The following MCM3 variants were observed in gnomAD, a reference collection of about 807,000 sequenced individuals.
MCM3 encodes DNA replication licensing factor MCM3.
A neutral mutation model predicts 91.3 loss-of-function variants in MCM3; 59 were observed. The ratio of observed to expected loss-of-function variants is 0.65; its 90% CI spans 0.52 to 0.80. The LOEUF (loss-of-function observed/expected upper bound fraction) is 0.80, where lower values mean the gene tolerates loss of function less well. Among genes scored for constraint, MCM3 ranks in the 30% least tolerant of loss-of-function variants. The pLI is 0.00. For missense variants in MCM3, 919 were observed against 1,035.4 expected (o/e 0.89, Z 1.54); for synonymous variants, 383 against 379.6 (o/e 1.01, Z -0.10).
Position 52,271,234 on chromosome 6 carries a change from T to A in MCM3, c.1827+1067A>T, listed in dbSNP as rs1765107357. On this transcript the variant is annotated intron_variant, in intron 12 of 16. Coordinates refer to ENST00000596288, the MANE Select transcript of MCM3 (RefSeq NM_002388.6). ...ACAGAGTGGGTGAGGCTTGAGTAGATGATCTGGGATCATGTCTAATCCAAG... is the reference window on the plus strand; with the variant it reads ...ACAGAGTGGGTGAGGCTTGAGTAGAAGATCTGGGATCATGTCTAATCCAAG... 2.0e-5 allele frequency among the ~76,000 whole-genome samples: 3 copies of A among 152,156 alleles called. No homozygotes were observed. The South Asian group carries it at 6.2e-4, about 32-fold the overall frequency.
At chr6:52,282,366 A>C (rs1049269003) in intron 3 of MCM3, among the ~76,000 whole-genome samples, 191 bp from the exon 4 acceptor site, 2 of 152,170 alleles carry the variant, frequency 1.3e-5, no homozygotes, top group African/African-American at 4.8e-5. Context: ...TAAAATTTTA[A>C]GTACCACCAA....
intron 7 of MCM3, 110 bp downstream of exon 7, chr6:52,277,423 CTT>C: frequency 8.1e-7 from 1 of 1,227,528 alleles, no homozygotes; most frequent in Middle Eastern, 2.7e-4. Context: ...GCCTTTTGTC[CTT>C]TGATAGGACT....
chr6:52,277,058 C>T lies in MCM3; in HGVS notation c.1165+9G>A. On this transcript the variant is annotated intron_variant, in intron 8 of 16. Coordinates refer to ENST00000596288, the MANE Select transcript of MCM3 (RefSeq NM_002388.6). ...GCTGGGCCTTTGCCAAGGACCCTTA[C>T]ACCCTTACCTGTTTCCTGGTCTGTG... is the stretch of plus-strand genomic sequence containing the variant. The T allele has an allele frequency of 1.2e-6, 2 of 1,612,838 alleles. No individual in the cohort carries two copies. The highest frequency in any genetic ancestry group is 1.7e-6 in the Non-Finnish European group (2 of 1,179,188).
In MCM3 at chr6:52,280,225, T is replaced by C. The variant is rs539759805; in HGVS notation, c.532-626A>G. Among the ~76,000 whole-genome samples, 3 of 152,370 alleles carry C rather than the reference T, an allele frequency of 2.0e-5. No individual in the cohort carries two copies. In the South Asian group the frequency reaches 6.2e-4, roughly 32 times the overall value. On this transcript the variant is annotated intron_variant, in intron 4 of 16. Coordinates refer to ENST00000596288, the MANE Select transcript of MCM3 (RefSeq NM_002388.6). Reference sequence around the variant, plus strand: ...TGAGCCCTCAAGAGGGACTTCTGTGTGCTAATATTTCCTCATTTGGAGCTG... The same window carrying C: ...TGAGCCCTCAAGAGGGACTTCTGTGCGCTAATATTTCCTCATTTGGAGCTG...
intron 5 of MCM3, 77 bp from the exon 6 acceptor site, chr6:52,278,927 A>ACT: frequency 1.9e-6 from 2 of 1,049,556 alleles, no homozygotes; most frequent in Non-Finnish European, 2.8e-6. Flanking sequence ...TAGCAGGAGT[A>ACT]AGCCTTTTTA....
Position 52,267,508 on chromosome 6 carries a change from A to C in MCM3, c.2072+357T>G, listed in dbSNP as rs1285527038. Reference sequence around the variant, plus strand: ...CCTTCTACCCTCTACTTCTCTCCCCAGTCCCACTGGAACTTACTACTTTTT... The same window carrying C: ...CCTTCTACCCTCTACTTCTCTCCCCCGTCCCACTGGAACTTACTACTTTTT... On this transcript the variant is annotated intron_variant, in intron 14 of 16. Transcript: ENST00000596288. Among the ~76,000 whole-genome samples the C allele has an allele frequency of 7.1e-5, 10 of 140,940 alleles. No homozygotes were observed. In the East Asian group the frequency reaches 2.0e-3, roughly 28 times the overall value. 92.5% of individuals were successfully genotyped at this position (140,940 alleles called of 152,430 possible).
At chr6:52,270,970 T>C (rs1035136111) in intron 12 of MCM3, among the ~76,000 whole-genome samples, 2 of 152,154 alleles carry the variant, frequency 1.3e-5, no homozygotes, top group African/African-American at 2.4e-5. Context: ...CCCAGCACTT[T>C]GGAAGGCCGA....
rs1381168139 is a variant in MCM3, at chr6:52,279,528, G to A, written c.603C>T (p.Ile201=). 2.5e-6 allele frequency: 4 copies of A among 1,614,146 alleles called. No homozygotes were observed. The highest frequency in any genetic ancestry group is 1.1e-5 in the South Asian group (1 of 91,076). Residue 201 remains isoleucine, a synonymous_variant, in exon 5 of 17, where the codon ATC becomes ATT. Coordinates refer to ENST00000596288, the MANE Select transcript of MCM3 (RefSeq NM_002388.6). ...CTGGGGCCTTCTCCGGCATCTCCTG[G>A]ATGGTGATGGTCTGGTGATCCTTGT... is the stretch of plus-strand genomic sequence containing the variant. ...SVYKDHQTIT[I]QEMPEKAPAG...
chr6:52,279,330 C>G (rs757327655), intron 5 of MCM3, 31 bp downstream of exon 5: 2 of 1,536,812 alleles, frequency 1.3e-6, no homozygotes, highest in South Asian at 2.3e-5. Context: ...CTGTCAACAG[C>G]ATTCCATATA....
intron 16 of MCM3, among the ~76,000 whole-genome samples, chr6:52,265,003 T>C (rs1194993634): frequency 6.6e-6 from 1 of 152,180 alleles, no homozygotes; most frequent in African/African-American, 2.4e-5. Context: ...GGCATTCCCA[T>C]TCACTGTAAA....
At chr6:52,282,517 C>T (rs956627032) in intron 3 of MCM3, 136 bp downstream of exon 3, 1 of 708,532 alleles carries the variant, frequency 1.4e-6, no homozygotes, top group East Asian at 2.7e-5. Flanking sequence ...ACACACTGAG[C>T]CCTCCAAGTT....
rs1322260677 is a variant in MCM3 at position 52,266,076 on chromosome 6, TGGATTCACTCAACTCCACTTTCTG to T, written c.2203_2226del (p.Gln735_Ser742del). 1 of 1,613,856 alleles carries T rather than the reference TGGATTCACTCAACTCCACTTTCTG, an allele frequency of 6.2e-7. No homozygotes were observed. On this transcript the variant is annotated inframe_deletion and splice_region_variant, in exon 16 of 17. Transcript: ENST00000596288. Reference sequence around the variant, plus strand: ...GGCAGGAGCAACATCCGTACTCACCTGGATTCACTCAACTCCACTTTCTGGGATTCCTTGGTCTCCTGTGAGTCT... The same window carrying T: ...GGCAGGAGCAACATCCGTACTCACCTGGATTCCTTGGTCTCCTGTGAGTCT...
rs756471448 is a variant in MCM3 at position 52,276,435 on chromosome 6, G to C, written c.1207C>G (p.Arg403Gly). The C allele has an allele frequency of 7.4e-6, 12 of 1,613,978 alleles. No individual in the cohort carries two copies. The Admixed American group carries it at 2.0e-4, about 27-fold the overall frequency. ...AATTCATCAATGCAAACCACGCCTC[G>C]GTCAGCCAGGACCATGGCCCCTGCT... ...LEAGAMVLAD[R>G]GVVCIDEFDK... The change falls in exon 9 of 17, where the codon CGA (arginine) becomes GGA (glycine). Residue 403 changes from arginine to glycine, a missense_variant. This residue lies in a region of MCM3 where 233 missense variants were observed against 321.2 expected (regional missense o/e 0.73). Coordinates refer to ENST00000596288, the MANE Select transcript of MCM3 (RefSeq NM_002388.6).
chr6:52,273,946 C>A, intron 9 of MCM3, 30 bp from the exon 10 acceptor site: 1 of 1,559,504 alleles, frequency 6.4e-7, no homozygotes, highest in South Asian at 1.2e-5. Flanking sequence ...CAGAAGTGGA[C>A]ATGACATCAA....
chr6:52,284,418 T>A (rs772596304), intron 1 of MCM3, among the ~76,000 whole-genome samples, 179 bp downstream of exon 1: 32 of 152,214 alleles, frequency 2.1e-4, no homozygotes, highest in Non-Finnish European at 4.3e-4. Flanking sequence ...AGTTCACTTA[T>A]CGAACACAAA....
chr6:52,269,371 C>T (rs1764911893), intron 12 of MCM3, 145 bp from the exon 13 acceptor site: 3 of 626,756 alleles, frequency 4.8e-6, no homozygotes, highest in African/African-American at 3.7e-5. Flanking sequence ...TCTACAGATA[C>T]CATATAAAAA....
chr6:52,272,471 A>G lies in MCM3; in HGVS notation c.1677-20T>C, dbSNP rs761975522. On this transcript the variant is annotated intron_variant, in intron 11 of 16. Transcript: ENST00000596288. ...TTCTCCCTGGAGCCACACACAGTGA[A>G]TTCCATCTCCCTGCCACACCTTACC... 1 of 1,613,632 alleles carries G rather than the reference A, an allele frequency of 6.2e-7. No individual in the cohort carries two copies. Among genetic ancestry groups the G allele is most frequent in the Non-Finnish European group, 8.5e-7 (1 of 1,179,724 alleles).
In MCM3 at chr6:52,269,178, T is replaced by C; in HGVS notation, c.1876A>G (p.Thr626Ala). The C allele has an allele frequency of 6.2e-7, 1 of 1,613,828 alleles. No homozygotes were observed. Among genetic ancestry groups the C allele is most frequent in the African/African-American group, 1.3e-5 (1 of 75,050 alleles). Reference protein sequence around the residue: ...RTLETLIRLATAHAKARMSKT... With the variant: ...RTLETLIRLAAAHAKARMSKT... ...CTCATGCGGGCCTTCGCATGGGCTG[T>C]GGCCAGTCGAATCAGAGTTTCCAGT... Residue 626 changes from threonine to alanine, a missense_variant, in exon 13 of 17, where the codon ACA (threonine) becomes GCA (alanine). By Grantham distance (58) the Thr-to-Ala change is moderately conservative. Around this residue, in one of 3 missense-constraint regions of MCM3, gnomAD observed 285 missense variants for 311.4 expected, o/e 0.92. Coordinates refer to ENST00000596288, the MANE Select transcript of MCM3 (RefSeq NM_002388.6).
chr6:52,283,011 A>G, intron 2 of MCM3, 150 bp from the exon 3 acceptor site: 1 of 639,964 alleles, frequency 1.6e-6, no homozygotes. Flanking sequence ...ACCATCCTAT[A>G]AGACTCAGTA....
Sources: gnomAD v4.1 joint callset for allele counts (sites outside exome capture counted in the v4.1 genomes callset) on GRCh38, gnomAD v4.1.1 for gene constraint, gnomAD v4.1.1 regional missense constraint, MANE v1.5 for transcripts, NCBI Gene and HGNC (gene_info 2026-07-23, HGNC 2026-07-21) for gene names.